Variants in DLEU7 observed in about 807,000 individuals in gnomAD.
The protein encoded by DLEU7 is leukemia-associated protein 7.
A neutral mutation model predicts 16.0 loss-of-function variants in DLEU7; 17 were observed. That is an observed-to-expected ratio of 1.06 (90% CI 0.73 to 1.59). The LOEUF (loss-of-function observed/expected upper bound fraction) is 1.59. Ranked by LOEUF, DLEU7 falls within the 40% of genes most tolerant of loss-of-function variation. DLEU7 has a pLI of 0.00. For missense variants in DLEU7, 308 were observed against 314.9 expected (o/e 0.98, Z 0.17); for synonymous variants, 113 against 139.8 (o/e 0.81, Z 1.35).
intron 1 of DLEU7, among the ~76,000 whole-genome samples, chr13:50,738,665 C>T (rs191744009): frequency 6.6e-6 from 1 of 152,140 alleles, no homozygotes; most frequent in East Asian, 1.9e-4. Context: ...GAAAAAGATA[C>T]AAATCTTGCC....
intron 1 of DLEU7, among the ~76,000 whole-genome samples, chr13:50,765,773 A>G (rs1000813514): frequency 1.3e-5 from 2 of 152,140 alleles, no homozygotes; most frequent in Admixed American, 6.5e-5. Flanking sequence ...GGGAGCCAGC[A>G]ATATGAAGAT....
At chr13:50,812,370 TTGAC>T (rs1876598585) in intron 1 of DLEU7, among the ~76,000 whole-genome samples, 1 of 152,152 alleles carries the variant, frequency 6.6e-6, no homozygotes. Flanking sequence ...CATTTCGGGT[TTGAC>T]TGACATTCTT....
intron 1 of DLEU7, among the ~76,000 whole-genome samples, chr13:50,793,089 C>T (rs1876011481): frequency 6.6e-6 from 1 of 151,980 alleles, no homozygotes; most frequent in South Asian, 2.1e-4. Context: ...TCCATATGTA[C>T]CCAATGTTTA....
At chr13:50,729,049 CAG>C (rs2137714511) in intron 1 of DLEU7, among the ~76,000 whole-genome samples, 1 of 151,420 alleles carries the variant, frequency 6.6e-6, no homozygotes, top group East Asian at 1.9e-4. Context: ...GTTTTTGTTT[CAG>C]AGAGACATGT....
intron 1 of DLEU7, among the ~76,000 whole-genome samples, chr13:50,823,969 T>G (rs1382416010): frequency 6.6e-6 from 1 of 152,224 alleles, no homozygotes; most frequent in Non-Finnish European, 1.5e-5. Context: ...CTAGCTATAC[T>G]TGAACAATAA....
At chr13:50,841,714 G>C (rs1877664157) in intron 1 of DLEU7, among the ~76,000 whole-genome samples, 1 of 146,226 alleles carries the variant, frequency 6.8e-6, no homozygotes, top group Non-Finnish European at 1.5e-5. Context: ...CTGCAGCCTT[G>C]GCAACACAGG....
At chr13:50,827,134 C>T (rs1265238467) in intron 1 of DLEU7, among the ~76,000 whole-genome samples, 5 of 152,146 alleles carry the variant, frequency 3.3e-5, no homozygotes, top group Middle Eastern at 6.8e-3. Flanking sequence ...TAAAAACGAA[C>T]GTGGAGTTTA....
intron 1 of DLEU7, among the ~76,000 whole-genome samples, chr13:50,783,410 TAATCTTACACAG>T (rs1303572961): frequency 2.7e-4 from 41 of 152,304 alleles, no homozygotes; most frequent in African/African-American, 9.1e-4. Flanking sequence ...ATCTTACACA[TAATCTTACACAG>T]AGTCCACCCT....
At position 50,823,373 on chromosome 13, in the gene DLEU7, C is replaced by T; in HGVS notation, c.607G>A (p.Ala203Thr). 1 of 1,535,856 alleles carries T rather than the reference C, an allele frequency of 6.5e-7. No homozygotes were observed. The highest frequency in any genetic ancestry group is 8.7e-7 in the Non-Finnish European group (1 of 1,146,692). The stretch of plus-strand genomic sequence containing the variant: ...AAGGAAGCACAGGCTACCATGTGGG[C>T]ATCTGAAGGAAAATTAGCAAGTGAC... ...IQSLANFPSDAHMVACASLRQ... is the reference protein window; with the variant it reads ...IQSLANFPSDTHMVACASLRQ... The change falls in exon 2 of 2, where the codon GCC (alanine) becomes ACC (threonine). Residue 203 changes from alanine to threonine, a missense_variant. Transcript: ENST00000504404.
chr13:50,734,490 C>A (rs1421143056), intron 1 of DLEU7, among the ~76,000 whole-genome samples: 1 of 152,100 alleles, frequency 6.6e-6, no homozygotes, highest in Non-Finnish European at 1.5e-5. Flanking sequence ...AACTAATACA[C>A]CCATCTCCCC....
At chr13:50,749,096 G>A (rs896997917) in intron 1 of DLEU7, among the ~76,000 whole-genome samples, 1 of 140,928 alleles carries the variant, frequency 7.1e-6, no homozygotes, top group Non-Finnish European at 1.5e-5. Flanking sequence ...ATACCTTTGT[G>A]TCCTCATAGC....
At chr13:50,734,882 A>G (rs775188321) in intron 1 of DLEU7, among the ~76,000 whole-genome samples, 35 of 152,204 alleles carry the variant, frequency 2.3e-4, no homozygotes, top group Non-Finnish European at 4.0e-4. Flanking sequence ...CAAAATAAAG[A>G]TAAGGCATAC....
rs1477046621 is a variant in DLEU7, at chr13:50,823,437, G to A, written c.543C>T (p.Ala181=). The A allele has an allele frequency of 1.3e-6, 2 of 1,535,886 alleles. No individual in the cohort carries two copies. The highest frequency in any genetic ancestry group is 1.7e-6 in the Non-Finnish European group (2 of 1,146,732). The change falls in exon 2 of 2, where the codon GCC becomes GCT. Residue 181 remains alanine (A), a synonymous_variant. Transcript: ENST00000504404. ...TGACTATTGTCTTCAAACACTGGTG[G>A]GCAGCATTCAAGTCTCTGTCAAACT... is the stretch of plus-strand genomic sequence containing the variant. ...GQQFDRDLNA[A]HQCLKTIVKK... is the part of the protein sequence containing the mutation.
intron 1 of DLEU7, among the ~76,000 whole-genome samples, chr13:50,755,505 T>A (rs574877832): frequency 6.6e-6 from 1 of 152,210 alleles, no homozygotes; most frequent in African/African-American, 2.4e-5. Flanking sequence ...CAGAACATTT[T>A]GTATTTCTAT....
At chr13:50,730,087 A>G (rs1387001942) in intron 1 of DLEU7, among the ~76,000 whole-genome samples, 1 of 152,190 alleles carries the variant, frequency 6.6e-6, no homozygotes, top group Non-Finnish European at 1.5e-5. Flanking sequence ...TTTACTATTC[A>G]TTAAGTGGAA....
In DLEU7 at chr13:50,726,219, A is replaced by G. The variant is rs1270105169; in HGVS notation, c.460-12979T>C. Among the ~76,000 whole-genome samples the G allele has an allele frequency of 6.6e-6, 1 of 152,216 alleles. No homozygotes were observed. Among genetic ancestry groups the G allele is most frequent in the African/African-American group, 2.4e-5 (1 of 41,462 alleles). On this transcript the variant is annotated intron_variant, in intron 1 of 1. Coordinates refer to the DLEU7 transcript ENST00000400393. This position sits in a 1 kb window ranked among gnomAD's most constrained non-coding sequence, Gnocchi z 4.0. ...GTGCTATTAGACTCATGAGATCCCCAGCCAGGCCTCTCCACCTCAGCACTT... is the reference window on the plus strand; with the variant it reads ...GTGCTATTAGACTCATGAGATCCCCGGCCAGGCCTCTCCACCTCAGCACTT...
At chr13:50,716,093 A>C (rs1209082032) in intron 1 of DLEU7, among the ~76,000 whole-genome samples, 1 of 152,238 alleles carries the variant, frequency 6.6e-6, no homozygotes, top group Non-Finnish European at 1.5e-5. Context: ...TAAATGTTAG[A>C]TCAACCTAGG....
At chr13:50,829,203 G>A (rs1194760165) in intron 1 of DLEU7, among the ~76,000 whole-genome samples, 1 of 152,156 alleles carries the variant, frequency 6.6e-6, no homozygotes, top group Non-Finnish European at 1.5e-5. Context: ...TAGATGACCT[G>A]TCCCATAGCT....
chr13:50,718,196 C>T (rs181277348), intron 1 of DLEU7, among the ~76,000 whole-genome samples: 2 of 152,264 alleles, frequency 1.3e-5, no homozygotes, highest in South Asian at 2.1e-4. Flanking sequence ...AGACAACAAT[C>T]GTTTTATCTC....
Sources: gnomAD v4.1 joint callset for allele counts (sites outside exome capture counted in the v4.1 genomes callset) on GRCh38, gnomAD v4.1.1 for gene constraint, Gnocchi (gnomAD v3.1) non-coding constraint, MANE v1.5 for transcripts, NCBI Gene and HGNC (gene_info 2026-07-23, HGNC 2026-07-21) for gene names.